Variants in ANKRD28 observed in about 807,000 individuals in gnomAD.
The protein encoded by ANKRD28 is ankyrin repeat domain 28, also known as serine/threonine-protein phosphatase 6 regulatory ankyrin repeat subunit A.
Under a neutral mutation model 126.5 loss-of-function variants are expected in ANKRD28, and 44 were observed. The ratio of observed to expected loss-of-function variants is 0.35; its 90% CI spans 0.27 to 0.45. The LOEUF (loss-of-function observed/expected upper bound fraction) is 0.45, where lower values mean the gene tolerates loss of function less well. Ranked by LOEUF, ANKRD28 falls within the 20% of genes least tolerant of loss-of-function variation. The pLI is 1.00. For synonymous variants in ANKRD28, 442 were observed against 468.5 expected (o/e 0.94, Z 0.73); for missense variants, 1,110 against 1,316.6 (o/e 0.84, Z 2.43).
In ANKRD28 at chr3:15,854,281, A is replaced by G. The variant is rs147001526; in HGVS notation, c.27+5096T>C. ...CTAATTTATCTTCTCTTTTCCAACT[A>G]CACACTCCAATCAAGACTATCTCCT... On this transcript the variant is annotated intron_variant, in intron 1 of 27. Coordinates refer to the ANKRD28 transcript ENST00000399451. This position sits in a 1 kb window ranked among gnomAD's most constrained non-coding sequence, Gnocchi z 4.1. Among the ~76,000 whole-genome samples, 454 of 152,256 alleles carry G rather than the reference A, an allele frequency of 3.0e-3. 1 individual carries two copies. The highest frequency in any genetic ancestry group is 3.4e-3 in the Non-Finnish European group (232 of 68,012).
Position 15,837,975 on chromosome 3 carries a change from T to C in ANKRD28, c.27+21402A>G, listed in dbSNP as rs367901678. On this transcript the variant is annotated intron_variant, in intron 1 of 27. Coordinates refer to the ANKRD28 transcript ENST00000399451. ...GTATCGCTACCGAACTCAGAGGAAT[T>C]AAAAGAATTTTAAGGGAATATTATG... Among the ~76,000 whole-genome samples the C allele has an allele frequency of 4.0e-5, 6 of 149,666 alleles. No individual in the cohort carries two copies. In the East Asian group the frequency reaches 9.7e-4, roughly 24 times the overall value.
At position 15,797,004 on chromosome 3, in the gene ANKRD28, A is replaced by T; in HGVS notation, c.-483T>A. The stretch of plus-strand genomic sequence containing the variant: ...TTGCCTGCAAGGTCATATAGTTACC[A>T]GTAGCTGTTTTGCTTATAATTGAAA... On this transcript the variant is annotated 5_prime_UTR_variant, in exon 1 of 28. Coordinates refer to ENST00000683139, the MANE Select transcript of ANKRD28 (RefSeq NM_001349278.2). 1.0e-6 allele frequency: 1 copy of T among 985,304 alleles called. No homozygotes were observed. The highest frequency in any genetic ancestry group is 1.2e-6 in the Non-Finnish European group (1 of 829,852). The allele number at this position is 985,304 out of a possible 1,614,324, so 61.0% of individuals were successfully genotyped here.
upstream of ANKRD28, among the ~76,000 whole-genome samples, chr3:15,801,208 C>T (rs2060458759): frequency 6.6e-6 from 1 of 152,120 alleles, no homozygotes; most frequent in Non-Finnish European, 1.5e-5. The surrounding 1 kb of genome is among the most constrained non-coding windows in gnomAD (Gnocchi z 4.9). Flanking sequence ...AGAGCTTACT[C>T]CTACTATTAA....
intron 7 of ANKRD28, among the ~76,000 whole-genome samples, chr3:15,723,338 T>G (rs2073918949): frequency 6.6e-6 from 1 of 152,220 alleles, no homozygotes; most frequent in Non-Finnish European, 1.5e-5. Context: ...TATCACCTAC[T>G]TTTCTTAGTT....
At chr3:15,694,982 G>A (rs1457032283) in intron 16 of ANKRD28, among the ~76,000 whole-genome samples, 169 bp from the exon 17 acceptor site, 3 of 152,118 alleles carry the variant, frequency 2.0e-5, no homozygotes, top group Admixed American at 2.0e-4. Flanking sequence ...GAGCTTTGAA[G>A]ACAGGCATAA....
intron 17 of ANKRD28, among the ~76,000 whole-genome samples, chr3:15,693,626 C>G (rs2069123643): frequency 6.6e-6 from 1 of 152,096 alleles, no homozygotes; most frequent in African/African-American, 2.4e-5. Context: ...GCTGCTGCTG[C>G]TAATGCTGCT....
At chr3:15,739,475 C>A (rs1179818662) in intron 4 of ANKRD28, among the ~76,000 whole-genome samples, 2 of 152,100 alleles carry the variant, frequency 1.3e-5, no homozygotes, top group Non-Finnish European at 2.9e-5. Context: ...TGAAAACGAC[C>A]AAAACCGAAA....
Position 15,695,196 on chromosome 3 carries a change from G to A in ANKRD28, c.1678C>T (p.Leu560=), listed in dbSNP as rs566591150. 6.3e-7 allele frequency: 1 copy of A among 1,594,912 alleles called. No homozygotes were observed. The highest frequency in any genetic ancestry group is 8.6e-7 in the Non-Finnish European group (1 of 1,168,324). The change falls in exon 16 of 28, where the codon CTA becomes TTA. Residue 560 remains leucine, a synonymous_variant. Transcript: ENST00000683139. ...CLQLIASETP[L]DVLMETSGTD... ...AATTGACTAATACTTACAACATCTAGAGGAGTTTCACTTGCAATCTGAAAT... is the reference window on the plus strand; with the variant it reads ...AATTGACTAATACTTACAACATCTAAAGGAGTTTCACTTGCAATCTGAAAT...
At chr3:15,691,820 T>C (rs1478972401) in intron 17 of ANKRD28, among the ~76,000 whole-genome samples, 1 of 152,098 alleles carries the variant, frequency 6.6e-6, no homozygotes, top group Non-Finnish European at 1.5e-5. Context: ...ACATTAAATA[T>C]AAAAGACAAT....
chr3:15,821,021 A>G (rs2060931333), intron 1 of ANKRD28, among the ~76,000 whole-genome samples: 1 of 152,158 alleles, frequency 6.6e-6, no homozygotes, highest in Non-Finnish European at 1.5e-5. Flanking sequence ...TTTAGGACAT[A>G]TAATTCTTTG....
At chr3:15,829,157 A>C (rs1177674193) in intron 1 of ANKRD28, among the ~76,000 whole-genome samples, 3 of 152,136 alleles carry the variant, frequency 2.0e-5, no homozygotes, top group African/African-American at 7.2e-5. Flanking sequence ...AAAACTACCG[A>C]ATTGCTTAAA....
chr3:15,741,415 G>A (rs2075462941), intron 4 of ANKRD28, among the ~76,000 whole-genome samples: 1 of 152,142 alleles, frequency 6.6e-6, no homozygotes, highest in Non-Finnish European at 1.5e-5. Context: ...ATAATGTGGG[G>A]ATAACTAACG....
intron 1 of ANKRD28, among the ~76,000 whole-genome samples, chr3:15,810,847 G>C (rs1437126392): frequency 1.3e-5 from 2 of 151,994 alleles, no homozygotes; most frequent in African/African-American, 4.8e-5. Flanking sequence ...ACCACAACTT[G>C]AACACTGCCT....
chr3:15,714,561 AC>A lies in ANKRD28; in HGVS notation c.1075+16del, dbSNP rs1367681475. The A allele has an allele frequency of 2.6e-6, 4 of 1,558,288 alleles. No homozygotes were observed. The highest frequency in any genetic ancestry group is 3.4e-6 in the Non-Finnish European group (4 of 1,160,958). ...AAAAAAAAAAAACCCCAAAAAAAAA[AC>A]AGAAATACTTTTTACCACTCTGGAT... On this transcript the variant is annotated intron_variant, in intron 9 of 27. Transcript: ENST00000683139.
intron 17 of ANKRD28, among the ~76,000 whole-genome samples, chr3:15,692,674 C>T (rs1027102051): frequency 1.5e-4 from 23 of 151,990 alleles, no homozygotes; most frequent in African/African-American, 4.8e-4. Flanking sequence ...GGGAGAGTTT[C>T]GTGTAAGAAA....
At chr3:15,835,855 G>A (rs2061315058) in intron 1 of ANKRD28, among the ~76,000 whole-genome samples, 1 of 152,154 alleles carries the variant, frequency 6.6e-6, no homozygotes, top group African/African-American at 2.4e-5. Context: ...AGTGACACTA[G>A]ACAGTAATGA....
chr3:15,787,287 T>C (rs2059823909), intron 2 of ANKRD28, among the ~76,000 whole-genome samples: 2 of 152,190 alleles, frequency 1.3e-5, no homozygotes, highest in Admixed American at 6.6e-5. Context: ...AATACCTTCT[T>C]TGTTTCAGGA....
At chr3:15,804,720 G>A (rs575222322) in intron 1 of ANKRD28, among the ~76,000 whole-genome samples, 4 of 145,384 alleles carry the variant, frequency 2.8e-5, no homozygotes, top group African/African-American at 7.7e-5. Flanking sequence ...TTACAGCCAA[G>A]TACAGATGAC....
At chr3:15,712,083 C>G (rs955581350) in intron 11 of ANKRD28, 57 bp downstream of exon 11, 1 of 1,334,702 alleles carries the variant, frequency 7.5e-7, no homozygotes, top group South Asian at 1.3e-5. Context: ...TAGAGACCAT[C>G]TAAAAATTTT....
Sources: gnomAD v4.1 joint callset for allele counts (sites outside exome capture counted in the v4.1 genomes callset) on GRCh38, gnomAD v4.1.1 for gene constraint, Gnocchi (gnomAD v3.1) non-coding constraint, MANE v1.5 for transcripts, NCBI Gene and HGNC (gene_info 2026-07-23, HGNC 2026-07-21) for gene names.